The following DNAJB6 variants were observed in gnomAD, a reference collection of about 807,000 sequenced individuals.
DNAJB6 encodes DnaJ heat shock protein family (Hsp40) member B6.
In DNAJB6, 16 loss-of-function variants were observed where a neutral mutation model predicts 42.7. That is an observed-to-expected ratio of 0.37 (90% CI 0.25 to 0.57). The LOEUF is 0.57. Ranked by LOEUF, DNAJB6 falls within the 20% of genes least tolerant of loss-of-function variation. The pLI is 0.74. For missense variants in DNAJB6, 347 were observed against 416.8 expected, an observed-to-expected ratio of 0.83 and a Z score of 1.46; for synonymous variants, 170 against 163.5, an observed-to-expected ratio of 1.04 and a Z score of -0.30.
intron 1 of DNAJB6, among the ~76,000 whole-genome samples, chr7:157,344,003 G>A (rs190503699): frequency 1.3e-5 from 2 of 152,168 alleles, no homozygotes; most frequent in African/African-American, 4.8e-5. Context: ...TAGACAGTAG[G>A]ACCTAGTTAA....
At chr7:157,382,958 T>C (rs1800861510) in intron 6 of DNAJB6, among the ~76,000 whole-genome samples, 1 of 152,214 alleles carries the variant, frequency 6.6e-6, no homozygotes, top group South Asian at 2.1e-4. Flanking sequence ...CACTTTTCTC[T>C]GAAGCTCATC....
chr7:157,400,253 T>A (rs1801786385), intron 8 of DNAJB6, among the ~76,000 whole-genome samples: 1 of 152,020 alleles, frequency 6.6e-6, no homozygotes, highest in Non-Finnish European at 1.5e-5. Context: ...TGCTCGCGTC[T>A]AGGGAGTTCT....
In DNAJB6 at chr7:157,346,089, C is replaced by T. The variant is rs1236467952; in HGVS notation, c.-27+8945C>T. 2.6e-5 allele frequency among the ~76,000 whole-genome samples: 4 copies of T among 151,974 alleles called. No homozygotes were observed. The East Asian group carries it at 7.7e-4, about 29-fold the overall frequency. On this transcript the variant is annotated intron_variant, in intron 1 of 9. Transcript: ENST00000262177. ...TGTAATGTGCATTGAACACACGGGC[C>T]AGGAGAAGAGGGAAGTAGAGGAGCT...
chr7:157,381,016 G>A (rs1800739369), intron 5 of DNAJB6: 1 of 151,020 alleles, frequency 6.6e-6, no homozygotes, highest in East Asian at 1.9e-4. Context: ...TTTTTTAGTA[G>A]AGACAAAGTC....
At chr7:157,355,115 G>A (rs1218226602) in intron 1 of DNAJB6, among the ~76,000 whole-genome samples, 2 of 152,202 alleles carry the variant, frequency 1.3e-5, no homozygotes, top group Admixed American at 1.3e-4. Flanking sequence ...TAGGATGAGA[G>A]TTGGCCTTGA....
rs141184089 is a variant in DNAJB6 at position 157,369,399 on chromosome 7, G to A, written c.346+1916G>A. ...TGGGTTGAAGTCCTGTGTTCTGATC[G>A]GTGATTCTCATGGTGACCAAGCGAG... On this transcript the variant is annotated intron_variant, in intron 5 of 9. Transcript: ENST00000262177. 1,551 of 456,660 alleles carry A rather than the reference G, an allele frequency of 3.4e-3. 17 individuals are homozygous for A. Among genetic ancestry groups the A allele is most frequent in the African/African-American group, 0.027 (1,338 of 50,168 alleles). The allele number at this position is 456,660 out of a possible 1,614,324, so 28.3% of individuals were successfully genotyped here.
chr7:157,401,093 T>C (rs1801838618), intron 8 of DNAJB6, among the ~76,000 whole-genome samples: 2 of 152,216 alleles, frequency 1.3e-5, no homozygotes, highest in Admixed American at 6.5e-5. Flanking sequence ...CTCTGATTTC[T>C]CTGGCCCACC....
intron 1 of DNAJB6, among the ~76,000 whole-genome samples, chr7:157,351,903 G>C (rs549072618): frequency 2.6e-5 from 4 of 152,202 alleles, no homozygotes; most frequent in Non-Finnish European, 4.4e-5. Flanking sequence ...TGAGGCAGGA[G>C]AATTGCTTGA....
At chr7:157,346,652 G>C (rs1220660467) in intron 1 of DNAJB6, among the ~76,000 whole-genome samples, 1 of 152,096 alleles carries the variant, frequency 6.6e-6, no homozygotes, top group Admixed American at 6.6e-5. Flanking sequence ...AAATTCTGAG[G>C]TTAATAAAAA....
Position 157,384,244 on chromosome 7 carries a change from C to T in DNAJB6, c.479-623C>T, listed in dbSNP as rs148291856. Among the ~76,000 whole-genome samples, 652 of 152,286 alleles carry T rather than the reference C, an allele frequency of 4.3e-3. 2 individuals are homozygous for T. The highest frequency in any genetic ancestry group is 8.4e-3 in the Admixed American group (128 of 15,306). On this transcript the variant is annotated intron_variant, in intron 6 of 9. Coordinates refer to ENST00000262177, the MANE Select transcript of DNAJB6 (RefSeq NM_058246.4). Reference sequence around the variant, plus strand: ...GAATGGTGTTCATGAACTGTAGAACCATAGTTTTTTGAGACGAATACTTGT... The same window carrying T: ...GAATGGTGTTCATGAACTGTAGAACTATAGTTTTTTGAGACGAATACTTGT...
chr7:157,347,627 A>ATG (rs1430433146), intron 1 of DNAJB6, among the ~76,000 whole-genome samples: 1 of 152,218 alleles, frequency 6.6e-6, no homozygotes, highest in Admixed American at 6.5e-5. Flanking sequence ...ACCTGTAAGA[A>ATG]TGTGTGACAC....
intron 3 of DNAJB6, among the ~76,000 whole-genome samples, chr7:157,365,981 A>C (rs1799825214): frequency 7.3e-6 from 1 of 136,608 alleles, no homozygotes; most frequent in South Asian, 2.3e-4. Flanking sequence ...CCCCGCGCCT[A>C]CTCTTGTTGC....
At chr7:157,384,408 C>A (rs1490543357) in intron 6 of DNAJB6, among the ~76,000 whole-genome samples, 3 of 152,148 alleles carry the variant, frequency 2.0e-5, no homozygotes, top group Non-Finnish European at 4.4e-5. Context: ...GTAAGAGTGT[C>A]CATCACAGTC....
intron 1 of DNAJB6, among the ~76,000 whole-genome samples, 182 bp downstream of exon 1, chr7:157,337,326 C>T (rs1229646879): frequency 6.6e-6 from 1 of 151,526 alleles, no homozygotes; most frequent in Admixed American, 6.6e-5. Flanking sequence ...GGGCGGGGTC[C>T]TCTGGGTCAG....
intron 8 of DNAJB6, among the ~76,000 whole-genome samples, chr7:157,389,306 G>A (rs1217177620): frequency 6.6e-6 from 1 of 152,194 alleles, no homozygotes; most frequent in Non-Finnish European, 1.5e-5. Flanking sequence ...ATTTGCAGAG[G>A]ATTCAACGGT....
chr7:157,389,592 G>T (rs1342645126), intron 8 of DNAJB6, among the ~76,000 whole-genome samples: 1 of 152,218 alleles, frequency 6.6e-6, no homozygotes, highest in Non-Finnish European at 1.5e-5. Context: ...ATTCCTAGCT[G>T]TTCTAGGGAC....
intron 8 of DNAJB6, among the ~76,000 whole-genome samples, chr7:157,407,335 G>C (rs562953214): frequency 6.6e-6 from 1 of 152,230 alleles, no homozygotes; most frequent in Non-Finnish European, 1.5e-5. Context: ...CAGAGCTCAC[G>C]CTGCATCGCT....
intron 1 of DNAJB6, among the ~76,000 whole-genome samples, chr7:157,356,858 C>T (rs563462960): frequency 1.3e-5 from 2 of 152,146 alleles, no homozygotes; most frequent in African/African-American, 4.8e-5. Context: ...AGAATCTTTG[C>T]TGTCATGTAT....
chr7:157,396,491 C>G (rs2117146029), intron 8 of DNAJB6, among the ~76,000 whole-genome samples: 1 of 152,334 alleles, frequency 6.6e-6, no homozygotes, highest in African/African-American at 2.4e-5. Context: ...AGCCCAGGCA[C>G]CCCACCCAGC....
Sources: allele counts gnomAD v4.1 joint callset (sites outside exome capture counted in the v4.1 genomes callset), GRCh38; gene constraint gnomAD v4.1.1; transcripts MANE v1.5; gene names NCBI Gene and HGNC (gene_info 2026-07-23, HGNC 2026-07-21).